The following IQGAP2 variants were observed in gnomAD, a reference collection of about 807,000 sequenced individuals.
IQGAP2 encodes ras GTPase-activating-like protein IQGAP2.
A neutral mutation model predicts 201.3 loss-of-function variants in IQGAP2; 173 were observed. That is an observed-to-expected ratio of 0.86 (90% CI 0.76 to 0.98). The LOEUF is 0.98. Among genes scored for constraint, IQGAP2 ranks in the 50% least tolerant of loss-of-function variants. The pLI, the probability that IQGAP2 is intolerant of heterozygous loss-of-function variation, is 0.00. For missense variants in IQGAP2, 1,687 were observed against 1,864.8 expected (o/e 0.90, Z 1.76); for synonymous variants, 675 against 673.9 (o/e 1.00, Z -0.03).
chr5:76,453,645 T>C lies in IQGAP2; in HGVS notation c.47-7925T>C, dbSNP rs564329490. ...TTGGGAACAGCCCAGAGGACTGTTGTTATAAGACCTGCTAATTCTGCTTAA... is the reference window on the plus strand; with the variant it reads ...TTGGGAACAGCCCAGAGGACTGTTGCTATAAGACCTGCTAATTCTGCTTAA... On this transcript the variant is annotated intron_variant, in intron 1 of 35. Transcript: ENST00000274364. 7.2e-5 allele frequency among the ~76,000 whole-genome samples: 11 copies of C among 152,346 alleles called. 2 individuals carry two copies. The highest frequency in any genetic ancestry group is 2.6e-4 in the African/African-American group (11 of 41,578).
intron 13 of IQGAP2, chr5:76,616,289 GTTAGGA>G (rs1748958998): frequency 6.6e-6 from 1 of 152,364 alleles, no homozygotes; most frequent in Non-Finnish European, 1.5e-5. Flanking sequence ...AGGCAAAGAC[GTTAGGA>G]CTAGCTTTTC....
intron 6 of IQGAP2, 71 bp from the exon 7 acceptor site, chr5:76,589,544 A>G: frequency 1.3e-6 from 1 of 784,140 alleles, no homozygotes; most frequent in Non-Finnish European, 2.0e-6. Flanking sequence ...ATATGATTGT[A>G]CTCATTCCTG....
chr5:76,460,039 A>G (rs952591710), intron 1 of IQGAP2, among the ~76,000 whole-genome samples: 4 of 152,194 alleles, frequency 2.6e-5, no homozygotes, highest in African/African-American at 4.8e-5. Flanking sequence ...GCAGAGTGCT[A>G]TCTATGTGCA....
chr5:76,507,551 A>T (rs1757676195), intron 2 of IQGAP2, among the ~76,000 whole-genome samples: 1 of 152,264 alleles, frequency 6.6e-6, no homozygotes, highest in Admixed American at 6.5e-5. Flanking sequence ...GACTTAAATT[A>T]AAATTAAAAA....
intron 1 of IQGAP2, among the ~76,000 whole-genome samples, chr5:76,438,398 T>A (rs2150101222): frequency 6.6e-6 from 1 of 152,186 alleles, no homozygotes; most frequent in African/African-American, 2.4e-5. Flanking sequence ...TATTCTCAAG[T>A]GATCCTTTGT....
At chr5:76,456,038 A>G (rs1754064352) in intron 1 of IQGAP2, among the ~76,000 whole-genome samples, 1 of 152,194 alleles carries the variant, frequency 6.6e-6, no homozygotes, top group Admixed American at 6.5e-5. Flanking sequence ...TGTGACTATT[A>G]TGAGAGCAGC....
At chr5:76,675,929 A>T (rs2150496326) in intron 27 of IQGAP2, among the ~76,000 whole-genome samples, 1 of 152,178 alleles carries the variant, frequency 6.6e-6, no homozygotes, top group Admixed American at 6.5e-5. Flanking sequence ...AAAATTTAAA[A>T]AATTATCTGG....
intron 16 of IQGAP2, among the ~76,000 whole-genome samples, chr5:76,638,262 C>A (rs1751300979): frequency 6.6e-6 from 1 of 152,064 alleles, no homozygotes; most frequent in East Asian, 1.9e-4. Context: ...ACCTGTAATC[C>A]CAGCTACTTG....
chr5:76,529,533 C>T (rs376765938), intron 2 of IQGAP2, among the ~76,000 whole-genome samples: 52 of 151,844 alleles, frequency 3.4e-4, no homozygotes, highest in African/African-American at 1.2e-3. Context: ...GAGGCTGAGG[C>T]GGGAGAATTG....
intron 20 of IQGAP2, among the ~76,000 whole-genome samples, chr5:76,655,263 A>T (rs459052): frequency 0.5 from 74,780 of 148,558 alleles, 18,828 homozygotes; most frequent in Non-Finnish European, 0.56. Context: ...GAGTTGGCAT[A>T]AATGCTGATT....
intron 14 of IQGAP2, among the ~76,000 whole-genome samples, chr5:76,631,106 C>T (rs1412343224): frequency 6.6e-6 from 1 of 152,074 alleles, no homozygotes; most frequent in East Asian, 1.9e-4. Context: ...TTAACTTGGC[C>T]TCTTTCATTT....
intron 1 of IQGAP2, among the ~76,000 whole-genome samples, chr5:76,448,708 C>T (rs1056348431): frequency 6.6e-6 from 1 of 152,170 alleles, no homozygotes; most frequent in Non-Finnish European, 1.5e-5. Context: ...CATCCCCATT[C>T]CCATGGGTGC....
intron 3 of IQGAP2, among the ~76,000 whole-genome samples, chr5:76,564,690 C>A (rs144117017): frequency 1.3e-5 from 2 of 152,170 alleles, no homozygotes; most frequent in Non-Finnish European, 2.9e-5. Flanking sequence ...AAATAATATT[C>A]GCAATTTCTG....
chr5:76,519,147 C>A (rs1758520539), intron 2 of IQGAP2, among the ~76,000 whole-genome samples: 1 of 152,058 alleles, frequency 6.6e-6, no homozygotes, highest in Admixed American at 6.6e-5. Flanking sequence ...CCTGTAATCA[C>A]CACCACCACA....
intron 1 of IQGAP2, among the ~76,000 whole-genome samples, chr5:76,443,850 TAA>T (rs1166885836): frequency 6.6e-6 from 1 of 152,226 alleles, no homozygotes; most frequent in Non-Finnish European, 1.5e-5. Flanking sequence ...GATACTTATA[TAA>T]AGTTTTAGTT....
At chr5:76,446,960 G>A (rs962276118) in intron 1 of IQGAP2, among the ~76,000 whole-genome samples, 1 of 152,244 alleles carries the variant, frequency 6.6e-6, no homozygotes, top group African/African-American at 2.4e-5. Flanking sequence ...GTGAGCACAA[G>A]TTTCAGTGGG....
At chr5:76,485,166 G>C (rs1756038611) in intron 2 of IQGAP2, among the ~76,000 whole-genome samples, 1 of 152,074 alleles carries the variant, frequency 6.6e-6, no homozygotes, top group African/African-American at 2.4e-5. Flanking sequence ...AACACCTCGA[G>C]GTAGGGTGCG....
chr5:76,558,881 G>A (rs1410819184), intron 2 of IQGAP2, among the ~76,000 whole-genome samples: 1 of 152,052 alleles, frequency 6.6e-6, no homozygotes, highest in East Asian at 1.9e-4. Context: ...TCCCTGGCTG[G>A]TAATCTCTTG....
At position 76,461,382 on chromosome 5, in the gene IQGAP2, TA is replaced by T. The variant is rs1465921732; in HGVS notation, c.47-183del. Among the ~76,000 whole-genome samples the T allele has an allele frequency of 2.7e-5, 4 of 147,022 alleles. No homozygotes were observed. The East Asian group carries it at 6.1e-4, about 22-fold the overall frequency. On this transcript the variant is annotated intron_variant, in intron 1 of 35. Transcript: ENST00000274364. ...GTTCCTGTCTCAAAAAAAAAAAAAATAAAAATAAAGGAAAAGAAATGATATT... is the reference window on the plus strand; with the variant it reads ...GTTCCTGTCTCAAAAAAAAAAAAAATAAAATAAAGGAAAAGAAATGATATT...
Sources: allele counts gnomAD v4.1 joint callset (sites outside exome capture counted in the v4.1 genomes callset), GRCh38; gene constraint gnomAD v4.1.1; transcripts MANE v1.5; gene names NCBI Gene and HGNC (gene_info 2026-07-23, HGNC 2026-07-21).